SHLD2: variants seen among roughly 807,000 people sequenced by gnomAD.
SHLD2 encodes shieldin complex subunit 2.
In SHLD2, 30 loss-of-function variants were observed where a neutral mutation model predicts 73.2. That is an observed-to-expected ratio of 0.41 (90% CI 0.31 to 0.56). The LOEUF is 0.56. Among genes scored for constraint, SHLD2 ranks in the 20% least tolerant of loss-of-function variants. The pLI is 0.28. For synonymous variants in SHLD2, 285 were observed against 370.1 expected, an observed-to-expected ratio of 0.77 and a Z score of 2.64; for missense variants, 745 against 1,055.9, an observed-to-expected ratio of 0.71 and a Z score of 4.08.
At chr10:87,126,059 G>A (rs1056839225) in intron 2 of SHLD2, among the ~76,000 whole-genome samples, 4 of 152,188 alleles carry the variant, frequency 2.6e-5, no homozygotes, top group Admixed American at 6.5e-5. Context: ...CTGCATTCGA[G>A]CCAGAGGAAT....
At chr10:87,180,052 A>G in intron 7 of SHLD2, 23 bp from the exon 8 acceptor site, 1 of 1,594,328 alleles carries the variant, frequency 6.3e-7, no homozygotes, top group Non-Finnish European at 8.6e-7. Flanking sequence ...ATAATTTATA[A>G]TATATCTGTT....
intron 2 of SHLD2, among the ~76,000 whole-genome samples, chr10:87,108,924 A>G (rs894804166): frequency 2.0e-5 from 3 of 151,970 alleles, no homozygotes; most frequent in Non-Finnish European, 4.4e-5. Flanking sequence ...GCCATTGCAA[A>G]TGACTGGCTT....
chr10:87,144,132 G>A (rs1845408732), intron 2 of SHLD2, among the ~76,000 whole-genome samples: 2 of 151,950 alleles, frequency 1.3e-5, no homozygotes, highest in African/African-American at 4.8e-5. Flanking sequence ...CAAAGTGCTG[G>A]GATTACAGGC....
intron 2 of SHLD2, among the ~76,000 whole-genome samples, chr10:87,106,816 G>A (rs184255011): frequency 6.6e-6 from 1 of 152,314 alleles, no homozygotes; most frequent in Admixed American, 6.5e-5. Context: ...TGGCCTTTAT[G>A]TTGAAATTAG....
chr10:87,162,940 G>A (rs1846924772), intron 4 of SHLD2, among the ~76,000 whole-genome samples: 1 of 152,262 alleles, frequency 6.6e-6, no homozygotes, highest in South Asian at 2.1e-4. Context: ...AATTACATAT[G>A]TACTTAGCTT....
At chr10:87,131,615 A>G (rs1271986266) in intron 2 of SHLD2, among the ~76,000 whole-genome samples, 1 of 152,146 alleles carries the variant, frequency 6.6e-6, no homozygotes, top group East Asian at 1.9e-4. Flanking sequence ...TCATCAGTTG[A>G]TGAACTTTTG....
At chr10:87,104,168 C>T (rs573569529) in intron 2 of SHLD2, among the ~76,000 whole-genome samples, 55 of 146,000 alleles carry the variant, frequency 3.8e-4, no homozygotes, top group Non-Finnish European at 6.9e-4. Context: ...ACCCGGGAGG[C>T]GGAGGTTGTA....
At chr10:87,112,593 C>T (rs1018185186) in intron 2 of SHLD2, among the ~76,000 whole-genome samples, 1 of 151,696 alleles carries the variant, frequency 6.6e-6, no homozygotes, top group Non-Finnish European at 1.5e-5. Context: ...AGTGATGGTG[C>T]CACTGCACTC....
intron 9 of SHLD2, among the ~76,000 whole-genome samples, 190 bp downstream of exon 9, chr10:87,187,390 A>T (rs1271060073): frequency 6.6e-6 from 1 of 152,256 alleles, no homozygotes; most frequent in Non-Finnish European, 1.5e-5. Flanking sequence ...CTGTTAGTAC[A>T]TGAACAGCGG....
chr10:87,181,120 C>T (rs1259635987), intron 8 of SHLD2, among the ~76,000 whole-genome samples: 19 of 148,834 alleles, frequency 1.3e-4, no homozygotes, highest in Admixed American at 6.9e-5. Context: ...GTGGCTCACG[C>T]ATGTAATCCC....
chr10:87,160,482 A>AT (rs887131394), intron 4 of SHLD2, among the ~76,000 whole-genome samples: 2 of 152,040 alleles, frequency 1.3e-5, no homozygotes. Context: ...TCTCAAAAAA[A>AT]TTTTTTTTCT....
In SHLD2 at chr10:87,187,014, T is replaced by G. The variant is rs1179912462; in HGVS notation, c.2400-71T>G. ...ATAAAAACCAAGTGCTTTTTGGAAT[T>G]ATTTTTCATTTAAGCATTTCTTTTA... On this transcript the variant is annotated intron_variant, in intron 8 of 9. Coordinates refer to ENST00000298786, the MANE Select transcript of SHLD2 (RefSeq NM_001330112.2). 7 of 1,003,574 alleles carry G rather than the reference T, an allele frequency of 7.0e-6. No homozygotes were observed. The East Asian group carries it at 1.5e-4, about 21-fold the overall frequency. The allele number at this position is 1,003,574 out of a possible 1,614,324, so 62.2% of individuals were successfully genotyped here.
intron 4 of SHLD2, among the ~76,000 whole-genome samples, chr10:87,167,656 T>C (rs1048351816): frequency 6.6e-6 from 1 of 152,112 alleles, no homozygotes; most frequent in Non-Finnish European, 1.5e-5. Flanking sequence ...TTAAAATTTA[T>C]TTTTTAGAGA....
intron 3 of SHLD2, among the ~76,000 whole-genome samples, chr10:87,157,201 A>G (rs1846493600): frequency 6.6e-6 from 1 of 152,226 alleles, no homozygotes; most frequent in South Asian, 2.1e-4. Context: ...GGGAATTTCC[A>G]TTAGGCAGTT....
chr10:87,113,960 C>G (rs1843088500), intron 2 of SHLD2: 1 of 151,554 alleles, frequency 6.6e-6, no homozygotes, highest in African/African-American at 2.4e-5. Context: ...GAGCCAAGAT[C>G]ACACCACTGC....
At chr10:87,101,794 A>G (rs566410559) in intron 2 of SHLD2, among the ~76,000 whole-genome samples, 1 of 152,272 alleles carries the variant, frequency 6.6e-6, no homozygotes, top group African/African-American at 2.4e-5. Flanking sequence ...CATGCTTGCA[A>G]TCCCAGCTAC....
chr10:87,184,532 T>C (rs1848497423), intron 8 of SHLD2, among the ~76,000 whole-genome samples: 1 of 152,084 alleles, frequency 6.6e-6, no homozygotes, highest in Non-Finnish European at 1.5e-5. Context: ...AGCAGTCTCT[T>C]GGTGGGGCTC....
chr10:87,164,473 G>C (rs528154142), intron 4 of SHLD2, among the ~76,000 whole-genome samples: 1 of 151,734 alleles, frequency 6.6e-6, no homozygotes, highest in Non-Finnish European at 1.5e-5. Context: ...GGCTGGTCTC[G>C]GACTCCTGGG....
chr10:87,131,871 G>A (rs3129388), intron 2 of SHLD2, among the ~76,000 whole-genome samples: 1 of 152,090 alleles, frequency 6.6e-6, no homozygotes, highest in Non-Finnish European at 1.5e-5. Flanking sequence ...CATTTTTGCC[G>A]ACACTGTTTT....
Sources: allele counts gnomAD v4.1 joint callset (sites outside exome capture counted in the v4.1 genomes callset), GRCh38; gene constraint gnomAD v4.1.1; transcripts MANE v1.5; gene names NCBI Gene and HGNC (gene_info 2026-07-23, HGNC 2026-07-21).